The following DPP6 variants were observed in gnomAD, a reference collection of about 807,000 sequenced individuals.
The protein encoded by DPP6 is A-type potassium channel modulatory protein DPP6.
In DPP6, 69 loss-of-function variants were observed where a neutral mutation model predicts 122.6. The observed-to-expected ratio is 0.56, with a 90% CI of 0.46 to 0.69. DPP6 has a LOEUF of 0.69. Ranked by LOEUF, DPP6 falls within the 30% of genes least tolerant of loss-of-function variation. DPP6 has a pLI of 0.00. For missense variants in DPP6, 928 were observed against 1,116.9 expected (o/e 0.83, Z 2.41); for synonymous variants, 418 against 433.1 (o/e 0.97, Z 0.43).
intron 1 of DPP6, among the ~76,000 whole-genome samples, chr7:154,360,967 A>G (rs1005292357): frequency 2.6e-5 from 4 of 152,110 alleles, no homozygotes; most frequent in Non-Finnish European, 4.4e-5. Flanking sequence ...GTATAATCAG[A>G]TGCTGAACTC....
chr7:154,771,785 A>G (rs759905503), intron 9 of DPP6, among the ~76,000 whole-genome samples: 1 of 152,180 alleles, frequency 6.6e-6, no homozygotes, highest in Admixed American at 6.5e-5. Flanking sequence ...CTCCTTTTTC[A>G]GCTAACCTTG....
intron 1 of DPP6, among the ~76,000 whole-genome samples, chr7:153,980,827 G>A (rs1309507275): frequency 6.6e-6 from 1 of 152,158 alleles, no homozygotes; most frequent in Non-Finnish European, 1.5e-5. Context: ...TCAGGAGCAG[G>A]TTGTTCAGTT....
the DPP6 span, among the ~76,000 whole-genome samples, chr7:153,794,162 AC>A: frequency 1.3e-5 from 2 of 152,130 alleles, no homozygotes; most frequent in East Asian, 3.9e-4. Flanking sequence ...TGTCCTCCAG[AC>A]CCTAGAATGG....
chr7:154,635,913 T>C (rs952276847), intron 5 of DPP6, among the ~76,000 whole-genome samples: 5 of 152,170 alleles, frequency 3.3e-5, no homozygotes, highest in African/African-American at 1.2e-4. Context: ...ATACCTCTTA[T>C]AAGCTGGCTG....
intron 3 of DPP6, among the ~76,000 whole-genome samples, chr7:154,534,334 A>T (rs188559612): frequency 6.6e-6 from 1 of 152,272 alleles, no homozygotes; most frequent in East Asian, 1.9e-4. Flanking sequence ...CAATGAAAAG[A>T]TGTGTTCTAA....
intron 1 of DPP6, among the ~76,000 whole-genome samples, chr7:154,230,583 G>GGGGCT (rs1800864942): frequency 6.6e-6 from 1 of 152,192 alleles, no homozygotes; most frequent in East Asian, 1.9e-4. Flanking sequence ...TTACAGTTGA[G>GGGGCT]GGGCTGGTGA....
chr7:153,807,981 T>C, the DPP6 span, among the ~76,000 whole-genome samples: 1 of 151,956 alleles, frequency 6.6e-6, no homozygotes, highest in Admixed American at 6.5e-5. Flanking sequence ...TTTCTCCAGG[T>C]GGCAGCCTGC....
chr7:153,849,113 G>T, the DPP6 span, among the ~76,000 whole-genome samples: 10 of 152,096 alleles, frequency 6.6e-5, no homozygotes, highest in Non-Finnish European at 1.3e-4. Context: ...TGCCTACAGA[G>T]AAAAACTTAT....
intron 1 of DPP6, among the ~76,000 whole-genome samples, chr7:154,323,216 A>G (rs1563478428): frequency 1.3e-5 from 2 of 152,308 alleles, no homozygotes; most frequent in East Asian, 3.9e-4. Flanking sequence ...CATTTCCGAG[A>G]TTCACTTTTC....
At chr7:153,964,939 T>TTTCTTTCTTTCA (rs1491490280) in intron 1 of DPP6, among the ~76,000 whole-genome samples, 10 of 110,786 alleles carry the variant, frequency 9.0e-5, no homozygotes, top group Non-Finnish European at 1.6e-4. Flanking sequence ...TCTTTCTTTC[T>TTTCTTTCTTTCA]TTTTCTTTCT....
chr7:154,198,227 A>T (rs1448756671), intron 1 of DPP6, among the ~76,000 whole-genome samples: 1 of 152,000 alleles, frequency 6.6e-6, no homozygotes, highest in East Asian at 1.9e-4. Context: ...AGGCTTAGTC[A>T]CCCTTCGCCC....
chr7:154,537,622 A>G (rs897341508), intron 3 of DPP6, among the ~76,000 whole-genome samples: 11 of 152,014 alleles, frequency 7.2e-5, no homozygotes, highest in African/African-American at 2.4e-4. Flanking sequence ...CCCAGCAGGC[A>G]GAGGTTGCAG....
At chr7:153,978,741 C>T (rs117718481) in intron 1 of DPP6, among the ~76,000 whole-genome samples, 7 of 151,970 alleles carry the variant, frequency 4.6e-5, no homozygotes, top group African/African-American at 1.7e-4. Context: ...GTAAGGAAAA[C>T]GTCCAGTTTC....
rs1048508083 is a variant in DPP6, at chr7:154,243,997, A to T, written c.243+190934A>T. Among the ~76,000 whole-genome samples the T allele has an allele frequency of 3.9e-5, 6 of 152,280 alleles. No homozygotes were observed. In the East Asian group the frequency reaches 1.2e-3, roughly 29 times the overall value. ...AGAGGAGAGAAAAAAATTGTAAAAT[A>T]ATAAAACTTTTCTAATATTTAGTGA... On this transcript the variant is annotated intron_variant, in intron 1 of 25. Coordinates refer to ENST00000377770, the MANE Select transcript of DPP6 (RefSeq NM_130797.4).
At chr7:154,551,183 G>A (rs902743) in intron 4 of DPP6, among the ~76,000 whole-genome samples, 68,549 of 151,974 alleles carry the variant, frequency 0.45, 15,989 homozygotes, top group African/African-American at 0.54. Context: ...CATTTTACCT[G>A]AAAACTGACC....
chr7:154,350,994 T>TA (rs1300320502), intron 1 of DPP6, among the ~76,000 whole-genome samples: 9 of 152,132 alleles, frequency 5.9e-5, no homozygotes, highest in Non-Finnish European at 1.3e-4. Flanking sequence ...AGTGGGCCCA[T>TA]TGGACTGTAG....
rs561543257 is a variant in DPP6 at position 153,904,838 on chromosome 7, A to G, written c.51+17104A>G. ...GCCTTCTGAAGGTTCACTGAAAATC[A>G]ACTGATGAAAGACAGGTGAACAGGA... On this transcript the variant is annotated intron_variant, in intron 1 of 25. Coordinates refer to the DPP6 transcript ENST00000404039. Among the ~76,000 whole-genome samples the G allele has an allele frequency of 3.3e-5, 5 of 152,380 alleles. No homozygotes were observed. In the South Asian group the frequency reaches 6.2e-4, roughly 19 times the overall value.
chr7:154,079,061 A>G (rs1363214147), intron 1 of DPP6, among the ~76,000 whole-genome samples: 2 of 151,922 alleles, frequency 1.3e-5, no homozygotes, highest in Non-Finnish European at 2.9e-5. Context: ...GATGGAGACC[A>G]TCCTGGCCAA....
chr7:154,285,155 A>G (rs1161919551), intron 1 of DPP6, among the ~76,000 whole-genome samples: 2 of 152,250 alleles, frequency 1.3e-5, no homozygotes, highest in African/African-American at 4.8e-5. Context: ...AACTGCTTTT[A>G]TATTTTAATT....
Sources: allele counts gnomAD v4.1 joint callset (sites outside exome capture counted in the v4.1 genomes callset), GRCh38; gene constraint gnomAD v4.1.1; transcripts MANE v1.5; gene names NCBI Gene and HGNC (gene_info 2026-07-23, HGNC 2026-07-21).